The following RGS6 variants were observed in gnomAD, a reference collection of about 807,000 sequenced individuals.
RGS6 encodes the protein regulator of G-protein signaling 6.
A neutral mutation model predicts 78.5 loss-of-function variants in RGS6; 30 were observed. The ratio of observed to expected loss-of-function variants is 0.38; its 90% confidence interval spans 0.29 to 0.52. The LOEUF is 0.52. RGS6 is among the 20% of genes least tolerant of loss of function. The pLI, the probability that RGS6 is intolerant of heterozygous loss-of-function variation, is 0.85. For missense variants in RGS6, 495 were observed against 609.7 expected, an observed-to-expected ratio of 0.81 and a Z score of 1.98; for synonymous variants, 206 against 206.0, an observed-to-expected ratio of 1.00 and a Z score of 0.00.
At chr14:72,266,170 T>G (rs138790630) in intron 2 of RGS6, among the ~76,000 whole-genome samples, 75 of 152,288 alleles carry the variant, frequency 4.9e-4, no homozygotes, top group African/African-American at 1.7e-3. Context: ...ACTGGGCAGA[T>G]GGGTGAACTG....
intron 2 of RGS6, among the ~76,000 whole-genome samples, chr14:72,189,275 C>T (rs1179614858): frequency 2.0e-5 from 3 of 152,148 alleles, no homozygotes; most frequent in Non-Finnish European, 4.4e-5. Context: ...TCGTTTATTG[C>T]TTTATTCTTC....
At chr14:72,184,676 T>G (rs1424264134) in intron 2 of RGS6, among the ~76,000 whole-genome samples, 1 of 152,174 alleles carries the variant, frequency 6.6e-6, no homozygotes, top group Non-Finnish European at 1.5e-5. Context: ...TTGTGTCTCT[T>G]ATGGAATAGA....
intron 2 of RGS6, among the ~76,000 whole-genome samples, chr14:71,966,814 T>A (rs1211416741): frequency 1.3e-5 from 2 of 152,180 alleles, no homozygotes; most frequent in East Asian, 1.9e-4. Flanking sequence ...AATGATAAAA[T>A]CTCTAAATGT....
chr14:72,624,353 T>C, the RGS6 span, among the ~76,000 whole-genome samples: 1 of 148,202 alleles, frequency 6.7e-6, no homozygotes, highest in Non-Finnish European at 1.5e-5. Flanking sequence ...TTTTTTTTTT[T>C]TCTGAGACAG....
chr14:72,579,981 G>T, the RGS6 span, among the ~76,000 whole-genome samples: 3 of 152,148 alleles, frequency 2.0e-5, no homozygotes, highest in African/African-American at 7.2e-5. Context: ...AACCCAGGGG[G>T]AATAATATCA....
At chr14:72,175,513 T>A (rs1400972786) in intron 2 of RGS6, among the ~76,000 whole-genome samples, 1 of 152,238 alleles carries the variant, frequency 6.6e-6, no homozygotes, top group Non-Finnish European at 1.5e-5. Context: ...GGGGCTGGGC[T>A]GACCCTCTGG....
At position 72,510,150 on chromosome 14, in the gene RGS6, A is replaced by C. The variant is rs750108699; in HGVS notation, c.966-4A>C. 6.3e-7 allele frequency: 1 copy of C among 1,597,854 alleles called. No individual in the cohort carries two copies. The highest frequency in any genetic ancestry group is 1.8e-5 in the Admixed American group (1 of 56,244). The stretch of plus-strand genomic sequence containing the variant: ...TCTTTAAACCTTCTTCCTTCACCCC[A>C]AAGCAAAGAGCCCAGCCAACAGCGA... On this transcript the variant is annotated splice_polypyrimidine_tract_variant and splice_region_variant and intron_variant, in intron 13 of 17. Transcript: ENST00000553525.
Position 71,950,439 on chromosome 14 carries a change from T to G in RGS6, c.-20-14333T>G, listed in dbSNP as rs564659018. On this transcript the variant is annotated intron_variant, in intron 1 of 17. Coordinates refer to ENST00000553525, the MANE Select transcript of RGS6 (RefSeq NM_001204424.2). ...AGATTAACTCAAGATGGATTAAAGA[T>G]GTAAAGTAAAACCAAAAACTATAAA... 1.5e-4 allele frequency among the ~76,000 whole-genome samples: 23 copies of G among 152,272 alleles called. 1 individual carries two copies. In the East Asian group the frequency reaches 3.9e-3, roughly 26 times the overall value.
chr14:72,087,112 TTTTTA>T (rs2095073196), intron 2 of RGS6, among the ~76,000 whole-genome samples: 2 of 152,150 alleles, frequency 1.3e-5, no homozygotes, highest in South Asian at 4.1e-4. Flanking sequence ...ATGAAATTCA[TTTTTA>T]TTTTATTTTA....
At chr14:72,298,557 C>G (rs1250071420) in intron 2 of RGS6, among the ~76,000 whole-genome samples, 2 of 150,710 alleles carry the variant, frequency 1.3e-5, no homozygotes, top group Non-Finnish European at 2.9e-5. Context: ...ACCCCATTCT[C>G]CTGCCTCAGC....
chr14:72,605,198 G>A, the RGS6 span, among the ~76,000 whole-genome samples: 4 of 152,226 alleles, frequency 2.6e-5, no homozygotes, highest in South Asian at 8.3e-4. Flanking sequence ...GTAAAGGGGA[G>A]ACAGAGCTTT....
At chr14:72,497,043 A>G (rs1394144945) in intron 13 of RGS6, among the ~76,000 whole-genome samples, 6 of 152,130 alleles carry the variant, frequency 3.9e-5, no homozygotes, top group Non-Finnish European at 7.4e-5. Context: ...TTGCCACCAT[A>G]AACAATGATT....
the RGS6 span, among the ~76,000 whole-genome samples, chr14:71,867,762 A>G: frequency 6.6e-6 from 1 of 152,050 alleles, no homozygotes; most frequent in Non-Finnish European, 1.5e-5. Flanking sequence ...AAATAGATAG[A>G]TTTTACGTAT....
intron 2 of RGS6, among the ~76,000 whole-genome samples, chr14:72,229,771 C>G (rs2153808277): frequency 6.6e-6 from 1 of 152,316 alleles, no homozygotes; most frequent in East Asian, 1.9e-4. Flanking sequence ...ACAATATGAT[C>G]AAGATTCTCT....
At chr14:72,394,014 A>G (rs1415375368) in intron 3 of RGS6, among the ~76,000 whole-genome samples, 2 of 152,168 alleles carry the variant, frequency 1.3e-5, no homozygotes, top group East Asian at 3.9e-4. Context: ...GAGAGGGAGC[A>G]TGTGTAAGCT....
chr14:72,254,431 A>G (rs887876479), intron 2 of RGS6, among the ~76,000 whole-genome samples: 1 of 151,936 alleles, frequency 6.6e-6, no homozygotes, highest in Non-Finnish European at 1.5e-5. Flanking sequence ...CCTTTGCCTT[A>G]TCCCCTTTCA....
chr14:71,972,975 T>C (rs951082133), intron 2 of RGS6, among the ~76,000 whole-genome samples: 1 of 152,206 alleles, frequency 6.6e-6, no homozygotes. Flanking sequence ...CTCTTCCCTG[T>C]ATGTAGATAA....
At chr14:72,391,154 G>A (rs1297909240) in intron 3 of RGS6, among the ~76,000 whole-genome samples, 1 of 152,216 alleles carries the variant, frequency 6.6e-6, no homozygotes, top group Non-Finnish European at 1.5e-5. Context: ...AAGCCATAAT[G>A]CATGAATGTG....
At chr14:72,081,265 T>G (rs972490380) in intron 2 of RGS6, among the ~76,000 whole-genome samples, 1 of 152,070 alleles carries the variant, frequency 6.6e-6, no homozygotes, top group South Asian at 2.1e-4. Context: ...TATTTATTTA[T>G]TTTTTTGCTA....
Sources: gnomAD v4.1 joint callset for allele counts (sites outside exome capture counted in the v4.1 genomes callset) on GRCh38, gnomAD v4.1.1 for gene constraint, MANE v1.5 for transcripts, NCBI Gene and HGNC (gene_info 2026-07-23, HGNC 2026-07-21) for gene names.